TSPAN11: variants seen among roughly 807,000 people sequenced by gnomAD.
TSPAN11 encodes tetraspanin 11.
TSPAN11 carries 29 observed loss-of-function variants against 32.9 expected under a neutral mutation model. The observed-to-expected ratio is 0.88, with a 90% confidence interval of 0.66 to 1.20. The LOEUF (loss-of-function observed/expected upper bound fraction) is 1.20, where lower values mean the gene tolerates loss of function less well. TSPAN11 is among the 50% of genes most tolerant of loss of function. The pLI is 0.00. For synonymous variants in TSPAN11, 140 were observed against 141.3 expected, an observed-to-expected ratio of 0.99 and a Z score of 0.07; for missense variants, 283 against 329.1, an observed-to-expected ratio of 0.86 and a Z score of 1.08.
the TSPAN11 span, among the ~76,000 whole-genome samples, chr12:31,007,733 T>A: frequency 6.6e-6 from 1 of 152,144 alleles, no homozygotes; most frequent in Admixed American, 6.5e-5. Context: ...TGGGAAGACT[T>A]TTTTGTTTAA....
chr12:30,974,653 T>C (rs1469434416), intron 3 of TSPAN11, among the ~76,000 whole-genome samples: 2 of 152,204 alleles, frequency 1.3e-5, no homozygotes, highest in African/African-American at 4.8e-5. Context: ...CCAGGCACTG[T>C]GGAGGAGCCA....
At chr12:30,964,052 A>T in intron 3 of TSPAN11, 35 bp downstream of exon 3, 17 of 1,595,482 alleles carry the variant, frequency 1.1e-5, no homozygotes, top group Non-Finnish European at 1.5e-5. Flanking sequence ...AGGGATGGGG[A>T]GCCCTGCACC....
At chr12:30,936,613 G>T (rs576197001) in intron 1 of TSPAN11, among the ~76,000 whole-genome samples, 5 of 152,316 alleles carry the variant, frequency 3.3e-5, no homozygotes, top group African/African-American at 1.2e-4. Flanking sequence ...TAGTGTTGGG[G>T]TGGGAAAGTG....
At chr12:30,959,499 G>A (rs577114319) in intron 2 of TSPAN11, among the ~76,000 whole-genome samples, 2 of 152,108 alleles carry the variant, frequency 1.3e-5, no homozygotes, top group African/African-American at 4.8e-5. Flanking sequence ...CGGACACCGC[G>A]CCACGCCCTG....
chr12:30,953,213 C>T (rs570899606), intron 1 of TSPAN11, among the ~76,000 whole-genome samples: 1 of 152,298 alleles, frequency 6.6e-6, no homozygotes, highest in South Asian at 2.1e-4. Flanking sequence ...TATTACATGC[C>T]AAGGACTATG....
chr12:30,937,909 C>T (rs898424190), intron 1 of TSPAN11, among the ~76,000 whole-genome samples: 2 of 152,190 alleles, frequency 1.3e-5, no homozygotes, highest in African/African-American at 4.8e-5. Flanking sequence ...ACATCCATGG[C>T]AAGGGAAAGA....
At chr12:31,000,100 T>G (rs1164737397), downstream of TSPAN11, among the ~76,000 whole-genome samples, 5 of 152,196 alleles carry the variant, frequency 3.3e-5, no homozygotes, top group Non-Finnish European at 5.9e-5. Context: ...ATCCATAGCC[T>G]CTCAATTGAT....
chr12:30,944,302 TATC>T (rs1349383234), intron 1 of TSPAN11, among the ~76,000 whole-genome samples: 3 of 152,148 alleles, frequency 2.0e-5, no homozygotes, highest in African/African-American at 7.2e-5. Flanking sequence ...TAACTATAGT[TATC>T]ATGTTGTACA....
intron 2 of TSPAN11, among the ~76,000 whole-genome samples, chr12:30,957,332 G>T (rs1056680379): frequency 2.0e-5 from 3 of 150,650 alleles, no homozygotes; most frequent in African/African-American, 7.3e-5. Context: ...TCTGCACAGT[G>T]CCGTGGCAGG....
At chr12:31,002,968 G>A in the TSPAN11 span, among the ~76,000 whole-genome samples, 1 of 152,140 alleles carries the variant, frequency 6.6e-6, no homozygotes, top group Non-Finnish European at 1.5e-5. The surrounding 1 kb of genome is among the most constrained non-coding windows in gnomAD (Gnocchi z 4.8). Flanking sequence ...ACTGCCAGCC[G>A]CCCGGAGGCA....
the TSPAN11 span, among the ~76,000 whole-genome samples, chr12:31,007,521 C>T: frequency 6.6e-6 from 1 of 152,136 alleles, no homozygotes; most frequent in Non-Finnish European, 1.5e-5. Flanking sequence ...TCACCACTGC[C>T]TCATGCCTCT....
intron 3 of TSPAN11, among the ~76,000 whole-genome samples, chr12:30,977,552 T>G (rs1189200383): frequency 6.6e-6 from 1 of 151,692 alleles, no homozygotes; most frequent in South Asian, 2.1e-4. Context: ...TCTCCTCTCT[T>G]CTCTATTCTC....
At position 30,996,054 on chromosome 12, in the gene TSPAN11, T is replaced by TA. The variant is rs1188250383; in HGVS notation, c.*4140dup. On this transcript the variant is annotated 3_prime_UTR_variant, in exon 8 of 8. Transcript: ENST00000546076. The stretch of plus-strand genomic sequence containing the variant: ...CCCGACTCGCTCCACCATTGGGGGC[T>TA]AGGAGTGAAGCGTGTCACCATGGTC... 1 of 152,318 alleles carries TA rather than the reference T, an allele frequency of 6.6e-6. No homozygotes were observed. The highest frequency in any genetic ancestry group is 1.5e-5 in the Non-Finnish European group (1 of 68,122). 9.4% of individuals were successfully genotyped at this position (152,318 alleles called of 1,614,324 possible).
intron 6 of TSPAN11, 97 bp from the exon 7 acceptor site, chr12:30,982,967 G>T: frequency 1.6e-5 from 22 of 1,353,490 alleles, no homozygotes; most frequent in Non-Finnish European, 2.2e-5. Context: ...GAGTCCTCTG[G>T]CCAGTCCTCA....
chr12:31,006,694 T>TG, the TSPAN11 span, among the ~76,000 whole-genome samples: 1 of 152,228 alleles, frequency 6.6e-6, no homozygotes, highest in African/African-American at 2.4e-5. Context: ...TCATCACCAC[T>TG]GGCCCATTCA....
chr12:31,016,247 C>T, the TSPAN11 span, among the ~76,000 whole-genome samples: 5 of 152,186 alleles, frequency 3.3e-5, no homozygotes, highest in South Asian at 2.1e-4. Flanking sequence ...GGGATGGGGA[C>T]GCAAGGCGGG....
chr12:30,962,664 G>A (rs1212584166), intron 2 of TSPAN11, among the ~76,000 whole-genome samples: 1 of 152,160 alleles, frequency 6.6e-6, no homozygotes, highest in Admixed American at 6.5e-5. Flanking sequence ...AGGCTCAGGG[G>A]GCATGGACAG....
At chr12:30,927,799 A>T (rs1401883216) in intron 1 of TSPAN11, among the ~76,000 whole-genome samples, 1 of 152,186 alleles carries the variant, frequency 6.6e-6, no homozygotes. Context: ...AATGGTTGTC[A>T]CTGTGTCAGT....
intron 3 of TSPAN11, among the ~76,000 whole-genome samples, chr12:30,966,488 C>A (rs533841735): frequency 2.0e-5 from 3 of 152,366 alleles, no homozygotes; most frequent in African/African-American, 4.8e-5. Flanking sequence ...TCTGACCCAC[C>A]ACACTCTTCT....
Sources: allele counts gnomAD v4.1 joint callset (sites outside exome capture counted in the v4.1 genomes callset), GRCh38; gene constraint gnomAD v4.1.1; non-coding constraint Gnocchi (gnomAD v3.1); transcripts MANE v1.5; gene names NCBI Gene and HGNC (gene_info 2026-07-23, HGNC 2026-07-21).